STOX1: variants seen among roughly 807,000 people sequenced by gnomAD.
STOX1 encodes the protein storkhead-box protein 1.
In STOX1, 57 loss-of-function variants were observed where a neutral mutation model predicts 74.8. The ratio of observed to expected loss-of-function variants is 0.76; its 90% CI spans 0.62 to 0.95. The LOEUF is 0.95. Ranked by LOEUF, STOX1 falls within the 40% of genes least tolerant of loss-of-function variation. The pLI is 0.00. For synonymous variants in STOX1, 375 were observed against 401.3 expected, an observed-to-expected ratio of 0.93 and a Z score of 0.78; for missense variants, 1,010 against 1,117.0, an observed-to-expected ratio of 0.90 and a Z score of 1.37.
chr10:68,890,712 G>A (rs10998473), intron 3 of STOX1, among the ~76,000 whole-genome samples: 20,741 of 146,246 alleles, frequency 0.14, 2,874 homozygotes, highest in African/African-American at 0.36. Flanking sequence ...GTGCAGTAGC[G>A]CAATCTCAGC....
chr10:68,838,771 G>A (rs973336695), intron 1 of STOX1, among the ~76,000 whole-genome samples: 7 of 152,096 alleles, frequency 4.6e-5, no homozygotes, highest in African/African-American at 1.4e-4. Flanking sequence ...TTAGCCAGGT[G>A]TGGTGGCAGG....
intron 1 of STOX1, among the ~76,000 whole-genome samples, chr10:68,830,080 A>C (rs1256228637): frequency 6.6e-6 from 1 of 152,094 alleles, no homozygotes; most frequent in South Asian, 2.1e-4. Context: ...GCTGCCACTA[A>C]TGCCCCAGTG....
In STOX1 at chr10:68,892,838, C is replaced by T. The variant is rs1475246741; in HGVS notation, c.*102C>T. On this transcript the variant is annotated 3_prime_UTR_variant, in exon 4 of 4. Coordinates refer to ENST00000298596, the MANE Select transcript of STOX1 (RefSeq NM_152709.5). ...TGAGTATATAAGAATTGTCTAAAGG[C>T]AAGCATATCTATACTATTAACCACA... The T allele has an allele frequency of 7.7e-7, 1 of 1,294,674 alleles. No individual in the cohort carries two copies. 80.2% of individuals were successfully genotyped at this position (1,294,674 alleles called of 1,614,324 possible).
chr10:68,836,020 T>C (rs939966536), intron 1 of STOX1, among the ~76,000 whole-genome samples: 9 of 152,056 alleles, frequency 5.9e-5, no homozygotes, highest in Non-Finnish European at 1.3e-4. Context: ...TACAGGCGCG[T>C]GCCACCACGC....
At chr10:68,852,639 A>G (rs1367008528) in intron 1 of STOX1, among the ~76,000 whole-genome samples, 1 of 150,448 alleles carries the variant, frequency 6.6e-6, no homozygotes, top group Non-Finnish European at 1.5e-5. Flanking sequence ...GCTGTAGCGC[A>G]GTCTCACGAT....
intron 1 of STOX1, among the ~76,000 whole-genome samples, chr10:68,866,724 G>A (rs879872266): frequency 2.0e-5 from 3 of 152,038 alleles, no homozygotes; most frequent in Admixed American, 6.5e-5. Flanking sequence ...TTTCTGTGGC[G>A]GCTCTCCAGG....
chr10:68,832,957 G>T (rs1485334345), intron 1 of STOX1, among the ~76,000 whole-genome samples: 2 of 151,928 alleles, frequency 1.3e-5, no homozygotes, highest in Middle Eastern at 3.2e-3. Flanking sequence ...AGTAGAGGCA[G>T]GTCTTGCTCG....
Position 68,885,434 on chromosome 10 carries a change from A to G in STOX1, c.1638A>G (p.Lys546=). The change falls in exon 3 of 4, where the codon AAA becomes AAG. Residue 546 remains lysine, a synonymous_variant. Transcript: ENST00000298596. ...SLDSSRIFDG[K]AKEPYAEQPN... ...ATTCCTCAAGAATCTTTGATGGTAA[A>G]GCCAAAGAGCCATATGCTGAACAAC... 1 of 1,614,182 alleles carries G rather than the reference A, an allele frequency of 6.2e-7. No individual in the cohort carries two copies. Among genetic ancestry groups the G allele is most frequent in the Middle Eastern group, 1.6e-4 (1 of 6,062 alleles).
At chr10:68,831,688 T>G (rs1233566455) in intron 1 of STOX1, among the ~76,000 whole-genome samples, 2 of 152,274 alleles carry the variant, frequency 1.3e-5, no homozygotes, top group Middle Eastern at 3.4e-3. Flanking sequence ...CTGGAGTGAC[T>G]GGAGCCCCAG....
chr10:68,876,011 T>G lies in STOX1; in HGVS notation c.311-5947T>G, dbSNP rs1840666635. Among the ~76,000 whole-genome samples, 3 of 152,070 alleles carry G rather than the reference T, an allele frequency of 2.0e-5. No homozygotes were observed. In the South Asian group the frequency reaches 6.2e-4, roughly 32 times the overall value. On this transcript the variant is annotated intron_variant, in intron 1 of 3. Coordinates refer to ENST00000298596, the MANE Select transcript of STOX1 (RefSeq NM_152709.5). ...ACTTTTTTTCCTCAAATGAGTGGAC[T>G]TGTAAAAGAATAATTTTTAAACTCC...
intron 1 of STOX1, among the ~76,000 whole-genome samples, chr10:68,879,890 G>C (rs1490687445): frequency 6.6e-6 from 1 of 152,090 alleles, no homozygotes; most frequent in Non-Finnish European, 1.5e-5. Context: ...TCTGGCTAGG[G>C]TGGCTACTTA....
chr10:68,884,282 T>G lies in STOX1; in HGVS notation c.486T>G (p.Asp162Glu). 1 of 1,614,166 alleles carries G rather than the reference T, an allele frequency of 6.2e-7. No individual in the cohort carries two copies. Among genetic ancestry groups the G allele is most frequent in the East Asian group, 2.2e-5 (1 of 44,890 alleles). Residue 162 changes from aspartate to glutamate, a missense_variant, in exon 3 of 4, where the codon GAT becomes GAG. Physicochemically the swap from Asp to Glu is conservative, Grantham distance 45. Coordinates refer to ENST00000298596, the MANE Select transcript of STOX1 (RefSeq NM_152709.5). ...HYPGIAIPSE[D>E]ILYTTLGTLI... The stretch of plus-strand genomic sequence containing the variant: ...TAGGCATTGCAATTCCATCGGAAGA[T>G]ATTCTTTATACCACTCTGGGAACGC...
intron 1 of STOX1, among the ~76,000 whole-genome samples, chr10:68,832,251 A>C (rs1839430674): frequency 6.6e-6 from 1 of 152,174 alleles, no homozygotes; most frequent in Non-Finnish European, 1.5e-5. Context: ...ACCTAACGGG[A>C]CAGGAAAGAT....
chr10:68,850,941 C>T (rs1839967333), intron 1 of STOX1, among the ~76,000 whole-genome samples: 1 of 151,926 alleles, frequency 6.6e-6, no homozygotes, highest in African/African-American at 2.4e-5. Flanking sequence ...CACTGCACCC[C>T]AGCCTGGGTG....
At chr10:68,833,080 G>GTTTTTTTTT (rs1185911507) in intron 1 of STOX1, among the ~76,000 whole-genome samples, 1 of 104,620 alleles carries the variant, frequency 9.6e-6, no homozygotes, top group South Asian at 3.1e-4. Context: ...ACTTCTGTGG[G>GTTTTTTTTT]TTTTTTTTTT....
At chr10:68,829,667 CTTTAAACCTTCACTTCTCACCTCCA>C (rs1430445278) in intron 1 of STOX1, among the ~76,000 whole-genome samples, 7 of 152,310 alleles carry the variant, frequency 4.6e-5, no homozygotes, top group African/African-American at 1.4e-4. Context: ...GCAGCCAGTG[CTTTAAACCTTCACTTCTCACCTCCA>C]TGCTGTCTGT....
chr10:68,858,499 GCTT>G (rs1289364086), intron 1 of STOX1, among the ~76,000 whole-genome samples: 6 of 152,086 alleles, frequency 3.9e-5, no homozygotes, highest in Non-Finnish European at 8.8e-5. Context: ...GCCTAGAAAT[GCTT>G]CTTAGTAAAA....
intron 1 of STOX1, among the ~76,000 whole-genome samples, chr10:68,854,229 A>G (rs556466225): frequency 6.6e-6 from 1 of 151,946 alleles, no homozygotes; most frequent in East Asian, 1.9e-4. Flanking sequence ...TCCTGACTTC[A>G]GGTGATCCAC....
chr10:68,864,187 G>A (rs1840342123), intron 1 of STOX1, among the ~76,000 whole-genome samples: 2 of 152,120 alleles, frequency 1.3e-5, no homozygotes, highest in Admixed American at 1.3e-4. Context: ...GCCTCCCAAA[G>A]TGTTGGGATT....
Sources: allele counts gnomAD v4.1 joint callset (sites outside exome capture counted in the v4.1 genomes callset), GRCh38; gene constraint gnomAD v4.1.1; transcripts MANE v1.5; gene names NCBI Gene and HGNC (gene_info 2026-07-23, HGNC 2026-07-21).